The following BMP2K variants were observed in gnomAD, a reference collection of about 807,000 sequenced individuals.
BMP2K encodes BMP2 inducible kinase.
A neutral mutation model predicts 116.0 loss-of-function variants in BMP2K; 74 were observed. That is an observed-to-expected ratio of 0.64 (90% confidence interval 0.53 to 0.77). BMP2K has a LOEUF of 0.77. Among genes scored for constraint, BMP2K ranks in the 30% least tolerant of loss-of-function variants. The pLI is 0.00. For missense variants in BMP2K, 1,365 were observed against 1,403.6 expected (o/e 0.97, Z 0.44); for synonymous variants, 486 against 502.5 (o/e 0.97, Z 0.44).
intron 1 of BMP2K, among the ~76,000 whole-genome samples, chr4:78,806,729 A>T (rs1056652491): frequency 6.6e-6 from 1 of 152,040 alleles, no homozygotes; most frequent in Non-Finnish European, 1.5e-5. Context: ...ATTAAGTATA[A>T]TGTTAGCTGT....
intron 15 of BMP2K, among the ~76,000 whole-genome samples, chr4:78,898,204 C>T (rs1187079843): frequency 6.6e-6 from 1 of 152,126 alleles, no homozygotes; most frequent in Non-Finnish European, 1.5e-5. Flanking sequence ...CCTCAACGCT[C>T]CCAAAGACCC....
chr4:78,809,789 T>G (rs957672840), intron 1 of BMP2K, among the ~76,000 whole-genome samples: 1 of 152,194 alleles, frequency 6.6e-6, no homozygotes, highest in Non-Finnish European at 1.5e-5. Context: ...ATGGTTTTTA[T>G]TAGTTCTTTG....
chr4:78,872,009 T>C (rs528345876), intron 12 of BMP2K, 61 bp downstream of exon 12: 1 of 1,147,420 alleles, frequency 8.7e-7, no homozygotes, highest in Admixed American at 2.2e-5. Context: ...GAATTCACAG[T>C]ATGAATCATA....
chr4:78,867,502 A>C (rs1257205804), intron 10 of BMP2K, among the ~76,000 whole-genome samples: 1 of 152,202 alleles, frequency 6.6e-6, no homozygotes, highest in Non-Finnish European at 1.5e-5. Flanking sequence ...TTTCAGCTTA[A>C]GTTGGAAAAA....
Position 78,911,128 on chromosome 4 carries a change from G to T in BMP2K, c.2581G>T (p.Val861Phe). The T allele has an allele frequency of 6.2e-7, 1 of 1,613,966 alleles. No homozygotes were observed. The highest frequency in any genetic ancestry group is 8.5e-7 in the Non-Finnish European group (1 of 1,179,890). ...PKQEFDVFGAVPFFAVRAQQP... is the reference protein window; with the variant it reads ...PKQEFDVFGAFPFFAVRAQQP... ...ACAGGAGTTTGATGTATTTGGCGCT[G>T]TCCCCTTCTTTGCAGTGCGTGCTCA... The change falls in exon 16 of 16, where the codon GTC (valine) becomes TTC (phenylalanine). Residue 861 changes from valine to phenylalanine, a missense_variant. Coordinates refer to ENST00000502613, the MANE Select transcript of BMP2K (RefSeq NM_198892.2).
At chr4:78,832,010 T>C (rs1730230969) in intron 2 of BMP2K, among the ~76,000 whole-genome samples, 1 of 152,184 alleles carries the variant, frequency 6.6e-6, no homozygotes, top group African/African-American at 2.4e-5. Context: ...AATTATAGCA[T>C]CTTTATTTTT....
At chr4:78,891,394 T>C (rs1335137526) in intron 15 of BMP2K, among the ~76,000 whole-genome samples, 1 of 152,210 alleles carries the variant, frequency 6.6e-6, no homozygotes, top group Non-Finnish European at 1.5e-5. Context: ...GCTGGGGACC[T>C]AGTGGGCCTT....
At chr4:78,854,904 T>C (rs1484230651) in intron 7 of BMP2K, among the ~76,000 whole-genome samples, 1 of 151,812 alleles carries the variant, frequency 6.6e-6, no homozygotes, top group Non-Finnish European at 1.5e-5. Flanking sequence ...CCTCACCCAC[T>C]CTCTTCTCCT....
At position 78,875,489 on chromosome 4, in the gene BMP2K, A is replaced by G. The variant is rs577416509; in HGVS notation, c.1793+2691A>G. On this transcript the variant is annotated intron_variant, in intron 13 of 15. Transcript: ENST00000502613. ...TATATTCCAATAATAGTTAAAATAA[A>G]CATCATCTATGCATACGTTATCTTC... Among the ~76,000 whole-genome samples, 31 of 152,362 alleles carry G rather than the reference A, an allele frequency of 2.0e-4. No individual in the cohort carries two copies. In the South Asian group the frequency reaches 2.1e-3, roughly 10 times the overall value.
At chr4:78,858,454 AAT>A (rs1313667201) in intron 7 of BMP2K, among the ~76,000 whole-genome samples, 4 of 151,966 alleles carry the variant, frequency 2.6e-5, no homozygotes, top group Non-Finnish European at 5.9e-5. Context: ...TAGCATTATA[AAT>A]ATATAAAATC....
rs770143654 is a variant in BMP2K, at chr4:78,878,937, G to A, written c.1951+46G>A. On this transcript the variant is annotated intron_variant, in intron 14 of 15. Transcript: ENST00000502613. ...TATTTTGCTTCACAGTAAAATAACA[G>A]CTCTATTATTATTCAGCAAGGCCAA... is the stretch of plus-strand genomic sequence containing the variant. 5 of 1,577,538 alleles carry A rather than the reference G, an allele frequency of 3.2e-6. No individual in the cohort carries two copies. In the South Asian group the frequency reaches 4.7e-5, roughly 15 times the overall value.
At chr4:78,820,454 T>C (rs371260935) in intron 1 of BMP2K, among the ~76,000 whole-genome samples, 1 of 152,188 alleles carries the variant, frequency 6.6e-6, no homozygotes, top group African/African-American at 2.4e-5. Context: ...TGGAAACCGA[T>C]GTACTTCAAG....
intron 15 of BMP2K, among the ~76,000 whole-genome samples, chr4:78,908,196 G>A (rs979218030): frequency 2.0e-5 from 3 of 152,278 alleles, no homozygotes; most frequent in South Asian, 4.2e-4. Context: ...AGTATAACCT[G>A]GTGGTATTCT....
intron 14 of BMP2K, 93 bp downstream of exon 14, chr4:78,878,984 G>A (rs1489269524): frequency 2.0e-6 from 3 of 1,522,890 alleles, no homozygotes; most frequent in Admixed American, 4.8e-5. Flanking sequence ...AATGTGTATG[G>A]AAAATTCTTT....
At chr4:78,886,718 CA>C (rs1405917021) in intron 14 of BMP2K, among the ~76,000 whole-genome samples, 2 of 151,878 alleles carry the variant, frequency 1.3e-5, no homozygotes, top group Non-Finnish European at 2.9e-5. Context: ...AAAAAAAGAA[CA>C]AAAAAGTAAG....
At chr4:78,901,303 C>G (rs754352167) in intron 15 of BMP2K, among the ~76,000 whole-genome samples, 43 of 152,046 alleles carry the variant, frequency 2.8e-4, no homozygotes, top group Non-Finnish European at 5.6e-4. Context: ...TCAAGAAAGC[C>G]TTTTACCTCA....
intron 1 of BMP2K, among the ~76,000 whole-genome samples, chr4:78,812,331 T>A (rs1230138026): frequency 2.0e-5 from 3 of 152,202 alleles, no homozygotes; most frequent in Admixed American, 2.0e-4. Context: ...CAGCTATAAA[T>A]GATGATAGAT....
chr4:78,895,529 A>G (rs1196917136), intron 15 of BMP2K, among the ~76,000 whole-genome samples: 1 of 152,254 alleles, frequency 6.6e-6, no homozygotes, highest in East Asian at 1.9e-4. Context: ...AAATGATACT[A>G]GAAGAAATAA....
chr4:78,860,248 G>A (rs2110044849), intron 8 of BMP2K, among the ~76,000 whole-genome samples: 1 of 151,790 alleles, frequency 6.6e-6, no homozygotes, highest in South Asian at 2.1e-4. Context: ...CACTATTTGG[G>A]TGATGGTCAT....
Sources: allele counts gnomAD v4.1 joint callset (sites outside exome capture counted in the v4.1 genomes callset), GRCh38; gene constraint gnomAD v4.1.1; transcripts MANE v1.5; gene names NCBI Gene and HGNC (gene_info 2026-07-23, HGNC 2026-07-21).